The following AKIRIN2 variants were observed in gnomAD, a reference collection of about 807,000 sequenced individuals.
AKIRIN2 encodes akirin-2.
AKIRIN2 carries 6 observed loss-of-function variants against 29.3 expected under a neutral mutation model. That is an observed-to-expected ratio of 0.20 (90% CI 0.11 to 0.40). The LOEUF (loss-of-function observed/expected upper bound fraction) is 0.40, where lower values mean the gene tolerates loss of function less well. Ranked by LOEUF, AKIRIN2 falls within the 10% of genes least tolerant of loss-of-function variation. AKIRIN2 has a pLI of 1.00. For missense variants in AKIRIN2, 210 were observed against 276.1 expected, an observed-to-expected ratio of 0.76 and a Z score of 1.70; for synonymous variants, 128 against 117.5, an observed-to-expected ratio of 1.09 and a Z score of -0.58.
At chr6:87,684,252 G>A (rs1418245592) in intron 1 of AKIRIN2, among the ~76,000 whole-genome samples, 1 of 152,064 alleles carries the variant, frequency 6.6e-6, no homozygotes, top group African/African-American at 2.4e-5. Context: ...ACCTCAATTT[G>A]TTCATTTGAT....
At chr6:87,688,218 A>G (rs1376195092) in intron 1 of AKIRIN2, among the ~76,000 whole-genome samples, 1 of 151,696 alleles carries the variant, frequency 6.6e-6, no homozygotes, top group Non-Finnish European at 1.5e-5. Flanking sequence ...TGTAACCTCC[A>G]CCTCCTGGGT....
intron 2 of AKIRIN2, 98 bp downstream of exon 2, chr6:87,681,522 C>T: frequency 8.3e-7 from 1 of 1,209,054 alleles, no homozygotes; most frequent in Non-Finnish European, 1.1e-6. Context: ...TTTTAAAACT[C>T]AGAGGAGATA....
At chr6:87,676,596 A>AACACAC (rs112353955) in intron 3 of AKIRIN2, among the ~76,000 whole-genome samples, 2,446 of 142,084 alleles carry the variant, frequency 0.017, 54 homozygotes, top group Admixed American at 0.049. Flanking sequence ...CTCTACTAAA[A>AACACAC]ACACACACAC....
chr6:87,695,518 T>G (rs1008449767), intron 1 of AKIRIN2, among the ~76,000 whole-genome samples: 4 of 152,214 alleles, frequency 2.6e-5, no homozygotes, highest in African/African-American at 7.2e-5. Context: ...GGCGGTGCTC[T>G]CAAAGGCAAG....
intron 1 of AKIRIN2, among the ~76,000 whole-genome samples, chr6:87,687,800 C>G (rs577527807): frequency 7.2e-5 from 11 of 152,178 alleles, no homozygotes; most frequent in Admixed American, 2.6e-4. Context: ...TAGCTCTTAA[C>G]TACTTTTAAG....
chr6:87,675,600 T>C lies in AKIRIN2; in HGVS notation c.609A>G (p.Ser203=), dbSNP rs147738527. 1.0e-4 allele frequency: 167 copies of C among 1,614,102 alleles called. No individual in the cohort carries two copies. Among genetic ancestry groups the C allele is most frequent in the Middle Eastern group, 1.6e-4 (1 of 6,062 alleles). ...CCACAAATGCAGGATACGTGATTCA[T>C]GAAACATCTAAAGGGTGAGAAAAAG... ...RYGEQPASYV[S] The change falls in exon 5 of 5, where the codon TCA becomes TCG. Residue 203 remains serine (S), a synonymous_variant. Transcript: ENST00000257787.
At position 87,687,370 on chromosome 6, in the gene AKIRIN2, C is replaced by T. The variant is rs563569528; in HGVS notation, c.236-5607G>A. Among the ~76,000 whole-genome samples the T allele has an allele frequency of 2.7e-5, 4 of 147,468 alleles. No homozygotes were observed. The South Asian group carries it at 6.4e-4, about 24-fold the overall frequency. On this transcript the variant is annotated intron_variant, in intron 1 of 4. Transcript: ENST00000257787. ...CCAGCCTGACCAACTCCAAGAAACC[C>T]TGTCTCTACTAAAAATACAAAATTA...
At chr6:87,677,081 A>G (rs1167074069) in intron 3 of AKIRIN2, among the ~76,000 whole-genome samples, 6 of 141,166 alleles carry the variant, frequency 4.3e-5, no homozygotes, top group Non-Finnish European at 6.2e-5. Flanking sequence ...CCGTCTCAGG[A>G]AAAAAAAAAA....
At position 87,687,445 on chromosome 6, in the gene AKIRIN2, A is replaced by AAAAAAAC. The variant is rs1212446312; in HGVS notation, c.236-5683_236-5682insGTTTTTT. 1.2e-4 allele frequency among the ~76,000 whole-genome samples: 14 copies of AAAAAAAC among 120,068 alleles called. 2 individuals carry two copies. The highest frequency in any genetic ancestry group is 4.1e-4 in the African/African-American group (11 of 26,634). The allele number at this position is 120,068 out of a possible 152,430, so 78.8% of individuals were successfully genotyped here. On this transcript the variant is annotated intron_variant, in intron 1 of 4. Transcript: ENST00000257787. ...CAAGAGCAAAATTCCGTTTCAAAAA[A>AAAAAAAC]AAAAAAAAAAACACACTACTTGGAG...
Position 87,701,654 on chromosome 6 carries a change from G to T in AKIRIN2, c.31C>A (p.Leu11Met). 1 of 1,471,010 alleles carries T rather than the reference G, an allele frequency of 6.8e-7. No individual in the cohort carries two copies. The allele number at this position is 1,471,010 out of a possible 1,614,324, so 91.1% of individuals were successfully genotyped here. ...GGGCTCAACAGCGGGTCGAAATCCA[G>T]AGTCCTTTTCAGAGTGGCTCCGCAC... is the stretch of plus-strand genomic sequence containing the variant. MACGATLKRT[L>M]DFDPLLSPAS... The change falls in exon 1 of 5, where the codon CTG becomes ATG. Residue 11 changes from leucine (L) to methionine (M), a missense_variant. Leu to Met is a conservative substitution (Grantham distance 15). Transcript: ENST00000257787.
rs767514739 is a variant in AKIRIN2, at chr6:87,675,949, TGTC to T, written c.530-21_530-19del. 382 of 1,597,572 alleles carry T rather than the reference TGTC, an allele frequency of 2.4e-4. No homozygotes were observed. The highest frequency in any genetic ancestry group is 2.8e-4 in the Non-Finnish European group (329 of 1,172,038). On this transcript the variant is annotated intron_variant, in intron 3 of 4. Transcript: ENST00000257787. Reference sequence around the variant, plus strand: ...ATATTGTTCTATAAATAAAGGTACTTGTCAATTACATTTGTAAAATGCCTTATT... The same window carrying T: ...ATATTGTTCTATAAATAAAGGTACTTAATTACATTTGTAAAATGCCTTATT...
At chr6:87,701,048 C>T (rs564016174) in intron 1 of AKIRIN2, among the ~76,000 whole-genome samples, 3 of 151,520 alleles carry the variant, frequency 2.0e-5, no homozygotes, top group African/African-American at 7.3e-5. Context: ...CAATCGATTA[C>T]GGCAAGCACA....
chr6:87,695,679 C>T (rs557532616), intron 1 of AKIRIN2, among the ~76,000 whole-genome samples: 1 of 152,164 alleles, frequency 6.6e-6, no homozygotes, highest in Non-Finnish European at 1.5e-5. Context: ...CTCCTAATAC[C>T]ATTATCTAGT....
rs961342726 is a variant in AKIRIN2 at position 87,701,336 on chromosome 6, A to G, written c.235+114T>C. 5 of 1,146,336 alleles carry G rather than the reference A, an allele frequency of 4.4e-6. No homozygotes were observed. The African/African-American group carries it at 8.3e-5, about 19-fold the overall frequency. 71.0% of individuals were successfully genotyped at this position (1,146,336 alleles called of 1,614,324 possible). On this transcript the variant is annotated intron_variant, in intron 1 of 4. Transcript: ENST00000257787. ...AACGTGGCTGCCCTACTACTTTGCTAAGAACAAGAACCACACAGTCCGGCA... is the reference window on the plus strand; with the variant it reads ...AACGTGGCTGCCCTACTACTTTGCTGAGAACAAGAACCACACAGTCCGGCA...
intron 1 of AKIRIN2, among the ~76,000 whole-genome samples, chr6:87,694,202 G>A (rs766019929): frequency 6.6e-5 from 10 of 152,056 alleles, no homozygotes; most frequent in Non-Finnish European, 1.5e-4. Flanking sequence ...GCTAACCAAA[G>A]TGAGAATACA....
intron 3 of AKIRIN2, 99 bp from the exon 4 acceptor site, chr6:87,676,030 A>G: frequency 4.1e-6 from 4 of 981,686 alleles, no homozygotes; most frequent in Non-Finnish European, 3.1e-6. Flanking sequence ...TTCTAAGTTG[A>G]CAAAATCACT....
intron 3 of AKIRIN2, among the ~76,000 whole-genome samples, chr6:87,676,596 A>AAC (rs112353955): frequency 0.019 from 2,685 of 142,080 alleles, 33 homozygotes; most frequent in African/African-American, 0.026. Flanking sequence ...CTCTACTAAA[A>AAC]ACACACACAC....
At chr6:87,698,362 T>C (rs1221564877) in intron 1 of AKIRIN2, among the ~76,000 whole-genome samples, 2 of 143,616 alleles carry the variant, frequency 1.4e-5, no homozygotes, top group African/African-American at 5.3e-5. Context: ...TCACCTGCAA[T>C]GAACAATACT....
At chr6:87,693,500 C>T (rs187281531) in intron 1 of AKIRIN2, among the ~76,000 whole-genome samples, 59 of 152,160 alleles carry the variant, frequency 3.9e-4, no homozygotes, top group African/African-American at 1.3e-3. Flanking sequence ...CAGGCCCAGA[C>T]GGGCGGATCA....
Sources: allele counts gnomAD v4.1 joint callset (sites outside exome capture counted in the v4.1 genomes callset), GRCh38; gene constraint gnomAD v4.1.1; transcripts MANE v1.5; gene names NCBI Gene and HGNC (gene_info 2026-07-23, HGNC 2026-07-21).